The following KATNAL2 variants were observed in gnomAD, a reference collection of about 807,000 sequenced individuals.
KATNAL2 encodes katanin catalytic subunit A1 like 2.
A neutral mutation model predicts 76.3 loss-of-function variants in KATNAL2; 52 were observed. The observed-to-expected ratio is 0.68, with a 90% CI of 0.55 to 0.86. KATNAL2 has a LOEUF of 0.86. Among genes scored for constraint, KATNAL2 ranks in the 40% least tolerant of loss-of-function variants. The pLI is 0.00. For missense variants in KATNAL2, 660 were observed against 668.9 expected (o/e 0.99, Z 0.15); for synonymous variants, 243 against 244.2 (o/e 1.00, Z 0.05).
At chr18:46,918,995 G>GTATA (rs376088999) in intron 1 of KATNAL2, among the ~76,000 whole-genome samples, 139 of 147,538 alleles carry the variant, frequency 9.4e-4, no homozygotes, top group Admixed American at 2.6e-3. Flanking sequence ...GTGTGTGCGT[G>GTATA]TATATATATA....
intron 3 of KATNAL2, among the ~76,000 whole-genome samples, chr18:47,040,044 C>T (rs753204965): frequency 2.0e-5 from 3 of 152,182 alleles, no homozygotes; most frequent in South Asian, 2.1e-4. Flanking sequence ...CTTTTACATG[C>T]ATATGAAATG....
At chr18:47,095,923 G>A (rs774753843) in intron 15 of KATNAL2, among the ~76,000 whole-genome samples, 3 of 152,164 alleles carry the variant, frequency 2.0e-5, no homozygotes, top group Non-Finnish European at 2.9e-5. Flanking sequence ...CCTTGACCCT[G>A]TGCCTTGAAT....
In KATNAL2 at chr18:47,031,302, C is replaced by A. The variant is rs929332893; in HGVS notation, c.52-15155C>A. Among the ~76,000 whole-genome samples, 5 of 152,094 alleles carry A rather than the reference C, an allele frequency of 3.3e-5. 1 individual carries two copies. Among genetic ancestry groups the A allele is most frequent in the African/African-American group, 1.2e-4 (5 of 41,432 alleles). On this transcript the variant is annotated intron_variant, in intron 3 of 17. Coordinates refer to ENST00000683218, the MANE Select transcript of KATNAL2 (RefSeq NM_001387690.1). ...GGAGTTCCACTCTTACCTTTCAGTC[C>A]GAATGAGGAAAACAGATCCATTTGA...
chr18:46,956,031 T>C (rs1287189017), intron 3 of KATNAL2, among the ~76,000 whole-genome samples: 1 of 152,204 alleles, frequency 6.6e-6, no homozygotes. Flanking sequence ...ATTTAAAAAA[T>C]TGACTAACAT....
intron 3 of KATNAL2, chr18:47,035,549 G>A (rs2060734014): frequency 3.1e-6 from 2 of 637,600 alleles, no homozygotes; most frequent in East Asian, 5.9e-5. Context: ...AAAGAATGAA[G>A]CTCTGGTGCC....
At chr18:46,928,730 ACC>A in intron 1 of KATNAL2, among the ~76,000 whole-genome samples, 1 of 151,996 alleles carries the variant, frequency 6.6e-6, no homozygotes. Context: ...ATTTTCATCA[ACC>A]CCAGGAAGAT....
chr18:46,942,733 C>T (rs1457896102), intron 1 of KATNAL2, among the ~76,000 whole-genome samples: 1 of 152,000 alleles, frequency 6.6e-6, no homozygotes, highest in African/African-American at 2.4e-5. Flanking sequence ...TTTTAAAGTC[C>T]TTGTCTGCTA....
Position 47,100,304 on chromosome 18 carries a change from A to T in KATNAL2, c.1425A>T (p.Ala475=). 3 of 1,614,168 alleles carry T rather than the reference A, an allele frequency of 1.9e-6. No homozygotes were observed. In the South Asian group the frequency reaches 3.3e-5, roughly 18 times the overall value. Residue 475 remains alanine, a synonymous_variant, in exon 17 of 18, where the codon GCA becomes GCT. Coordinates refer to ENST00000683218, the MANE Select transcript of KATNAL2 (RefSeq NM_001387690.1). ...GSDIKLVCRE[A]AMRPVRKIFD... ...ATATTAAGCTCGTCTGCAGGGAAGC[A>T]GCCATGCGGCCCGTGAGGAAGATCT...
chr18:46,927,026 G>C (rs1021191361), intron 1 of KATNAL2, among the ~76,000 whole-genome samples: 1 of 152,138 alleles, frequency 6.6e-6, no homozygotes, highest in African/African-American at 2.4e-5. Context: ...GATGGGTCTT[G>C]ACTTTTTATC....
intron 3 of KATNAL2, among the ~76,000 whole-genome samples, chr18:46,956,902 G>A (rs377139152): frequency 6.6e-6 from 1 of 151,978 alleles, no homozygotes; most frequent in Non-Finnish European, 1.5e-5. Flanking sequence ...AATTAGCCAG[G>A]CGTGGTGGCA....
chr18:46,942,885 T>A (rs1202487668), intron 1 of KATNAL2, among the ~76,000 whole-genome samples: 1 of 152,166 alleles, frequency 6.6e-6, no homozygotes, highest in African/African-American at 2.4e-5. Flanking sequence ...GTGAATAAGA[T>A]GTTGTTGAGT....
intron 4 of KATNAL2, among the ~76,000 whole-genome samples, chr18:47,050,280 A>C (rs1467619530): frequency 6.6e-6 from 1 of 152,190 alleles, no homozygotes; most frequent in Non-Finnish European, 1.5e-5. Flanking sequence ...TATAAAACTT[A>C]AACTCACCAT....
At chr18:47,048,324 C>G (rs1330148783) in intron 4 of KATNAL2, among the ~76,000 whole-genome samples, 3 of 152,122 alleles carry the variant, frequency 2.0e-5, no homozygotes, top group Non-Finnish European at 2.9e-5. Context: ...CTCCAGTGAC[C>G]CTCGTCCTGG....
chr18:47,057,898 G>A (rs55890037), intron 6 of KATNAL2, among the ~76,000 whole-genome samples: 3,929 of 152,254 alleles, frequency 0.026, 64 homozygotes, highest in Non-Finnish European at 0.041. Context: ...AAGGAAGGTG[G>A]AAGGAACAAT....
intron 3 of KATNAL2, among the ~76,000 whole-genome samples, chr18:47,041,403 GTC>G (rs1420565345): frequency 1.3e-5 from 2 of 152,018 alleles, no homozygotes; most frequent in African/African-American, 4.8e-5. Context: ...TCCTTTTACT[GTC>G]TCTATAGTTT....
rs1298148475 is a variant in KATNAL2 at position 46,917,647 on chromosome 18, GC to G, written c.-785del. 3 of 775,314 alleles carry G rather than the reference GC, an allele frequency of 3.9e-6. No homozygotes were observed. Among genetic ancestry groups the G allele is most frequent in the Non-Finnish European group, 3.1e-6 (2 of 635,464 alleles). 48.0% of individuals were successfully genotyped at this position (775,314 alleles called of 1,614,324 possible). A position where few individuals can be genotyped will look rare whatever the true frequency, so the allele number is the denominator to read the frequency against. ...CCGCCCGCGCCTGCCCCGGCGTGCT[GC>G]CCCGCGGCTTGGCCCCGCTCGGCCC... On this transcript the variant is annotated 5_prime_UTR_variant, in exon 1 of 18. Transcript: ENST00000683218.
At chr18:47,077,604 G>C (rs1455497736) in intron 15 of KATNAL2, 143 bp downstream of exon 15, 1 of 629,646 alleles carries the variant, frequency 1.6e-6, no homozygotes, top group Non-Finnish European at 2.9e-6. Context: ...TACTGTTCAG[G>C]TCCCCAATCC....
chr18:46,949,056 C>G (rs1040886115), intron 3 of KATNAL2, among the ~76,000 whole-genome samples: 1 of 151,758 alleles, frequency 6.6e-6, no homozygotes, highest in South Asian at 2.1e-4. Flanking sequence ...AACACCATGC[C>G]CGGCTAATTT....
chr18:47,067,473 T>C (rs2061849259), intron 11 of KATNAL2, among the ~76,000 whole-genome samples: 1 of 152,158 alleles, frequency 6.6e-6, no homozygotes, highest in Non-Finnish European at 1.5e-5. Flanking sequence ...TCACTTTGTT[T>C]CCACAGATCC....
Sources: allele counts gnomAD v4.1 joint callset (sites outside exome capture counted in the v4.1 genomes callset), GRCh38; gene constraint gnomAD v4.1.1; transcripts MANE v1.5; gene names NCBI Gene and HGNC (gene_info 2026-07-23, HGNC 2026-07-21).